The following SNTB1 variants were observed in gnomAD, a reference collection of about 807,000 sequenced individuals.
The protein encoded by SNTB1 is syntrophin beta 1.
A neutral mutation model predicts 48.9 loss-of-function variants in SNTB1; 36 were observed. That is an observed-to-expected ratio of 0.74 (90% CI 0.56 to 0.97). The LOEUF (loss-of-function observed/expected upper bound fraction) is 0.97. SNTB1 is among the 50% of genes least tolerant of loss of function. The probability of loss-of-function intolerance (pLI) is 0.00; values close to 1 mark genes in which losing one functional copy is unlikely to be tolerated. For synonymous variants in SNTB1, 299 were observed against 294.6 expected (o/e 1.01, Z -0.15); for missense variants, 786 against 703.4 (o/e 1.12, Z -1.33).
At chr8:120,806,858 T>A (rs1008404978) in intron 1 of SNTB1, among the ~76,000 whole-genome samples, 1 of 152,216 alleles carries the variant, frequency 6.6e-6, no homozygotes, top group Non-Finnish European at 1.5e-5. Flanking sequence ...CAAATTTTCT[T>A]CCAATCCTGA....
intron 4 of SNTB1, among the ~76,000 whole-genome samples, chr8:120,571,941 T>A (rs1444946560): frequency 6.6e-6 from 1 of 152,128 alleles, no homozygotes; most frequent in Admixed American, 6.5e-5. Context: ...TCCTCACCCC[T>A]GAAAACCTCC....
chr8:120,774,467 C>G (rs1587151737), intron 1 of SNTB1, among the ~76,000 whole-genome samples: 1 of 152,160 alleles, frequency 6.6e-6, no homozygotes, highest in South Asian at 2.1e-4. Flanking sequence ...ACAGATCTCC[C>G]TGGCAGCTGT....
chr8:120,630,778 C>T (rs1816966613), intron 3 of SNTB1, among the ~76,000 whole-genome samples: 1 of 152,194 alleles, frequency 6.6e-6, no homozygotes, highest in South Asian at 2.1e-4. Context: ...AGCACTAAGA[C>T]TGAACGGATT....
intron 1 of SNTB1, among the ~76,000 whole-genome samples, chr8:120,808,541 T>C (rs1820375017): frequency 6.6e-6 from 1 of 152,210 alleles, no homozygotes. Context: ...TTCATTTGAA[T>C]TGTAAAACTA....
At chr8:120,560,984 CA>C (rs797003738) in intron 4 of SNTB1, among the ~76,000 whole-genome samples, 3 of 151,652 alleles carry the variant, frequency 2.0e-5, no homozygotes, top group Non-Finnish European at 2.9e-5. Flanking sequence ...TTCTATCACA[CA>C]AAAAAAGGGC....
At chr8:120,751,419 C>T (rs975182733) in intron 1 of SNTB1, among the ~76,000 whole-genome samples, 2 of 152,134 alleles carry the variant, frequency 1.3e-5, no homozygotes, top group African/African-American at 4.8e-5. Flanking sequence ...TCTATTCCTA[C>T]TTCTTTTTAT....
At chr8:120,637,366 A>G (rs1054260872) in intron 2 of SNTB1, 1 of 235,136 alleles carries the variant, frequency 4.3e-6, no homozygotes, top group East Asian at 1.2e-4. Context: ...GTTTCAGAAC[A>G]TTCTTCGCTG....
chr8:120,620,814 A>G (rs995577700), intron 3 of SNTB1, among the ~76,000 whole-genome samples: 12 of 152,206 alleles, frequency 7.9e-5, no homozygotes, highest in African/African-American at 2.9e-4. Context: ...GGAATCCTCT[A>G]GCACACTTTT....
At chr8:120,780,042 A>C (rs1170542842) in intron 1 of SNTB1, among the ~76,000 whole-genome samples, 5 of 151,156 alleles carry the variant, frequency 3.3e-5, no homozygotes, top group African/African-American at 1.2e-4. Context: ...ATGACACCTG[A>C]TTAAAAGCCT....
Position 120,541,896 on chromosome 8 carries a change from G to A in SNTB1, c.1438C>T (p.Gln480Ter). The change falls in exon 6 of 7, where the codon CAG (glutamine) becomes TAG (stop). Residue 480 changes from glutamine to a stop codon, truncating the protein, a stop_gained. Transcript: ENST00000517992. LOFTEE classifies it high-confidence loss of function. ...ATTTTGAGCTTTTCATAAGGAGACT[G>A]TATGATGGTCTTGGGAAAGGCACCC... is the stretch of plus-strand genomic sequence containing the variant. ...QEGAFPKTII[Q>*]SPYEKLKMSS... 6.2e-7 allele frequency: 1 copy of A among 1,613,812 alleles called. No individual in the cohort carries two copies. The highest frequency in any genetic ancestry group is 8.5e-7 in the Non-Finnish European group (1 of 1,179,728).
chr8:120,716,623 A>G (rs1818562831), intron 1 of SNTB1, among the ~76,000 whole-genome samples: 1 of 152,142 alleles, frequency 6.6e-6, no homozygotes, highest in African/African-American at 2.4e-5. Flanking sequence ...AGTAATCAGA[A>G]ATGTCCACAG....
intron 1 of SNTB1, among the ~76,000 whole-genome samples, chr8:120,799,642 A>G (rs1035923765): frequency 1.3e-5 from 2 of 151,992 alleles, no homozygotes; most frequent in African/African-American, 4.8e-5. Context: ...TCAGTTTATT[A>G]GTGGGTCAAT....
At chr8:120,678,494 A>T (rs551772943) in intron 2 of SNTB1, among the ~76,000 whole-genome samples, 1 of 152,240 alleles carries the variant, frequency 6.6e-6, no homozygotes, top group South Asian at 2.1e-4. Context: ...CTTGACCAAA[A>T]CCAACTCTGT....
Position 120,655,245 on chromosome 8 carries a change from G to T in SNTB1, c.789-22594C>A, listed in dbSNP as rs1306633151. ...TGATGAAATGCTTCAGTAAAAAGAAGTATTCTTATGTGAAAAAGATAACAT... is the reference window on the plus strand; with the variant it reads ...TGATGAAATGCTTCAGTAAAAAGAATTATTCTTATGTGAAAAAGATAACAT... On this transcript the variant is annotated intron_variant, in intron 2 of 6. Transcript: ENST00000517992. Among the ~76,000 whole-genome samples the T allele has an allele frequency of 2.6e-5, 4 of 152,112 alleles. No homozygotes were observed. The East Asian group carries it at 7.7e-4, about 29-fold the overall frequency.
At chr8:120,558,378 T>G (rs763969100) in intron 4 of SNTB1, among the ~76,000 whole-genome samples, 2 of 152,166 alleles carry the variant, frequency 1.3e-5, no homozygotes, top group Non-Finnish European at 2.9e-5. Context: ...GAAGCTGAAT[T>G]TGAAGCTGAA....
At chr8:120,716,762 C>A (rs1408583839) in intron 1 of SNTB1, among the ~76,000 whole-genome samples, 1 of 152,146 alleles carries the variant, frequency 6.6e-6, no homozygotes, top group Non-Finnish European at 1.5e-5. Flanking sequence ...TTCTCTTCAA[C>A]CTAAACTTAT....
intron 1 of SNTB1, among the ~76,000 whole-genome samples, chr8:120,696,050 C>T (rs1818206031): frequency 1.3e-5 from 2 of 152,206 alleles, no homozygotes; most frequent in Admixed American, 6.5e-5. Flanking sequence ...AATAAATATA[C>T]TTCTTTAGAA....
chr8:120,579,213 CAAAG>C (rs1338908102), intron 3 of SNTB1, among the ~76,000 whole-genome samples: 61 of 143,938 alleles, frequency 4.2e-4, no homozygotes, highest in South Asian at 3.8e-3. Flanking sequence ...AACAAACAAA[CAAAG>C]AGCAAACAAA....
chr8:120,781,228 G>A (rs981699722), intron 1 of SNTB1, among the ~76,000 whole-genome samples: 1 of 152,198 alleles, frequency 6.6e-6, no homozygotes, highest in African/African-American at 2.4e-5. Context: ...TATTTTTAAA[G>A]TTAGGGTGGT....
Sources: gnomAD v4.1 joint callset for allele counts (sites outside exome capture counted in the v4.1 genomes callset) on GRCh38, gnomAD v4.1.1 for gene constraint, MANE v1.5 for transcripts, NCBI Gene and HGNC (gene_info 2026-07-23, HGNC 2026-07-21) for gene names.